NAALADL2: variants seen among roughly 807,000 people sequenced by gnomAD.
NAALADL2 encodes the protein inactive N-acetylated-alpha-linked acidic dipeptidase-like protein 2.
In NAALADL2, 76 loss-of-function variants were observed where a neutral mutation model predicts 87.2. The observed-to-expected ratio is 0.87, with a 90% CI of 0.72 to 1.05. The LOEUF (loss-of-function observed/expected upper bound fraction) is 1.05. NAALADL2 is among the 50% of genes least tolerant of loss of function. NAALADL2 has a pLI of 0.00. For synonymous variants in NAALADL2, 354 were observed against 331.0 expected, an observed-to-expected ratio of 1.07 and a Z score of -0.75; for missense variants, 1,089 against 945.8, an observed-to-expected ratio of 1.15 and a Z score of -1.99.
intron 1 of NAALADL2, among the ~76,000 whole-genome samples, chr3:174,545,730 T>C (rs746014322): frequency 2.2e-4 from 34 of 152,086 alleles, no homozygotes; most frequent in African/African-American, 7.5e-4. Context: ...GAAACTTCTA[T>C]TGGAAAAATG....
chr3:175,374,135 TAG>T (rs1766827561), intron 5 of NAALADL2, among the ~76,000 whole-genome samples: 2 of 152,176 alleles, frequency 1.3e-5, no homozygotes, highest in African/African-American at 4.8e-5. Flanking sequence ...AAAACCAGTT[TAG>T]AGTTTCGATA....
chr3:175,459,106 C>A lies in NAALADL2; in HGVS notation c.1235-4295C>A, dbSNP rs944526935. 2.0e-5 allele frequency among the ~76,000 whole-genome samples: 3 copies of A among 151,998 alleles called. No individual in the cohort carries two copies. In the East Asian group the frequency reaches 5.8e-4, roughly 29 times the overall value. On this transcript the variant is annotated intron_variant, in intron 6 of 13. Coordinates refer to ENST00000454872, the MANE Select transcript of NAALADL2 (RefSeq NM_207015.3). Reference sequence around the variant, plus strand: ...ATAACTAGATCCTGAGGTCCACAACCACCATAAAAGAAAATTAGCACAACA... The same window carrying A: ...ATAACTAGATCCTGAGGTCCACAACAACCATAAAAGAAAATTAGCACAACA...
In NAALADL2 at chr3:175,762,124, C is replaced by G. The variant is rs189187111; in HGVS notation, c.2189+6706C>G. 2.7e-3 allele frequency among the ~76,000 whole-genome samples: 411 copies of G among 150,182 alleles called. 2 individuals are homozygous for G. Among genetic ancestry groups the G allele is most frequent in the African/African-American group, 9.5e-3 (388 of 40,870 alleles). ...ATCTTCTAGAAGTTTTATAGTATAG[C>G]ATTTTACATTTAGGTCTATGATCCA... On this transcript the variant is annotated intron_variant, in intron 13 of 13. Coordinates refer to ENST00000454872, the MANE Select transcript of NAALADL2 (RefSeq NM_207015.3).
At position 175,091,257 on chromosome 3, in the gene NAALADL2, C is replaced by T. The variant is rs181808017; in HGVS notation, c.44-5533C>T. 5.1e-3 allele frequency among the ~76,000 whole-genome samples: 781 copies of T among 152,158 alleles called. 15 individuals are homozygous for T. The highest frequency in any genetic ancestry group is 5.3e-3 in the Non-Finnish European group (357 of 67,970). On this transcript the variant is annotated intron_variant, in intron 1 of 13. Transcript: ENST00000454872. ...CTGTTGCAGTACCTAAAGCAATACT[C>T]CACAAAGATGCATAATGAATGTCTT...
At chr3:174,781,868 A>T (rs142892906) in intron 3 of NAALADL2, among the ~76,000 whole-genome samples, 144 of 152,158 alleles carry the variant, frequency 9.5e-4, no homozygotes, top group African/African-American at 3.3e-3. Context: ...GCAGACAGAG[A>T]CTTTTCAGGT....
rs913434055 is a variant in NAALADL2, at chr3:174,903,813, G to GAAAATTAA, written c.43+44366_43+44373dup. 9.9e-5 allele frequency among the ~76,000 whole-genome samples: 15 copies of GAAAATTAA among 151,798 alleles called. No individual in the cohort carries two copies. In the East Asian group the frequency reaches 2.9e-3, roughly 29 times the overall value. ...ATGAGATTAAGTAGTGACTGATTAA[G>GAAAATTAA]AAAATTAAAACTTTTTCACAGTCAT... On this transcript the variant is annotated intron_variant, in intron 1 of 13. Transcript: ENST00000454872.
At chr3:174,840,099 C>A (rs1443068753) in intron 3 of NAALADL2, among the ~76,000 whole-genome samples, 1 of 151,560 alleles carries the variant, frequency 6.6e-6, no homozygotes, top group Non-Finnish European at 1.5e-5. Flanking sequence ...GTGGAACCAA[C>A]CCAAATGCCC....
intron 1 of NAALADL2, among the ~76,000 whole-genome samples, chr3:174,486,195 T>A (rs1717848515): frequency 6.6e-6 from 1 of 152,038 alleles, no homozygotes; most frequent in Non-Finnish European, 1.5e-5. Context: ...CCCAGGTCAG[T>A]TAGGCTCTGA....
chr3:174,970,956 A>G (rs1743544635), intron 1 of NAALADL2, among the ~76,000 whole-genome samples: 1 of 152,154 alleles, frequency 6.6e-6, no homozygotes, highest in African/African-American at 2.4e-5. Flanking sequence ...GACTGGAAAG[A>G]AAAAGAGGTT....
chr3:174,694,228 TAGAG>T (rs1042039885), intron 2 of NAALADL2, among the ~76,000 whole-genome samples: 26 of 152,182 alleles, frequency 1.7e-4, no homozygotes, highest in African/African-American at 5.8e-4. Context: ...AAATTCCACA[TAGAG>T]AGAATAAAAT....
At chr3:175,226,495 C>T (rs140704124) in intron 2 of NAALADL2, among the ~76,000 whole-genome samples, 61 of 152,052 alleles carry the variant, frequency 4.0e-4, no homozygotes, top group African/African-American at 1.4e-3. Flanking sequence ...CTAAATAGCA[C>T]GGTATAGTGG....
intron 5 of NAALADL2, among the ~76,000 whole-genome samples, chr3:175,411,370 T>G (rs548100283): frequency 6.6e-6 from 1 of 152,180 alleles, no homozygotes; most frequent in African/African-American, 2.4e-5. Context: ...TTAAGTAGTA[T>G]GTATGTTAGA....
At chr3:175,314,563 CTATATATATATATATATATATATA>C (rs57049565) in intron 4 of NAALADL2, among the ~76,000 whole-genome samples, 8 of 69,596 alleles carry the variant, frequency 1.1e-4, no homozygotes, top group African/African-American at 1.6e-4. Context: ...CACATTCTAA[CTATATATATATATATATATATATA>C]TATATATATA....
At chr3:175,490,711 A>G (rs900461373) in intron 9 of NAALADL2, among the ~76,000 whole-genome samples, 1 of 151,982 alleles carries the variant, frequency 6.6e-6, no homozygotes, top group Admixed American at 6.6e-5. Flanking sequence ...AACTATTTGT[A>G]TGGAAAGTAC....
rs113598558 is a variant in NAALADL2, at chr3:175,715,065, A to G, written c.1897-22241A>G. ...TGAGAAAGATCAGATTTTCCCTAAT[A>G]TTCTTTACATTACCATTAACAGTAA... On this transcript the variant is annotated intron_variant, in intron 11 of 13. Transcript: ENST00000454872. 3.7e-3 allele frequency among the ~76,000 whole-genome samples: 561 copies of G among 152,306 alleles called. 5 individuals are homozygous for G. The highest frequency in any genetic ancestry group is 0.013 in the African/African-American group (538 of 41,576).
intron 6 of NAALADL2, among the ~76,000 whole-genome samples, chr3:175,462,172 G>A (rs1182542600): frequency 6.6e-6 from 1 of 152,140 alleles, no homozygotes; most frequent in African/African-American, 2.4e-5. Context: ...ATAATAGGAG[G>A]CTTGGGAGAC....
chr3:174,977,355 C>T (rs1362636994), intron 1 of NAALADL2, among the ~76,000 whole-genome samples: 1 of 152,130 alleles, frequency 6.6e-6, no homozygotes. Flanking sequence ...AAACTCCTGA[C>T]CTCAGGTGAT....
chr3:175,632,885 AATTAG>A (rs1727993377), intron 11 of NAALADL2, among the ~76,000 whole-genome samples: 1 of 152,102 alleles, frequency 6.6e-6, no homozygotes, highest in African/African-American at 2.4e-5. Context: ...ATTGAAAAAT[AATTAG>A]ATTAAATAAA....
chr3:175,607,191 T>C (rs1007083149), intron 10 of NAALADL2, among the ~76,000 whole-genome samples: 11 of 151,326 alleles, frequency 7.3e-5, no homozygotes, highest in African/African-American at 2.7e-4. Flanking sequence ...TAAATTCAAG[T>C]GTTATTTGTA....
Sources: gnomAD v4.1 joint callset for allele counts (sites outside exome capture counted in the v4.1 genomes callset) on GRCh38, gnomAD v4.1.1 for gene constraint, MANE v1.5 for transcripts, NCBI Gene and HGNC (gene_info 2026-07-23, HGNC 2026-07-21) for gene names.